The following NFIA variants were observed in gnomAD, a reference collection of about 807,000 sequenced individuals.
The protein encoded by NFIA is nuclear factor 1 A-type.
A neutral mutation model predicts 62.8 loss-of-function variants in NFIA; 8 were observed. The ratio of observed to expected loss-of-function variants is 0.13; its 90% CI spans 0.07 to 0.23. The LOEUF (loss-of-function observed/expected upper bound fraction) is 0.23. Among genes scored for constraint, NFIA ranks in the 10% least tolerant of loss-of-function variants. The pLI is 1.00. For missense variants in NFIA, 410 were observed against 642.1 expected (o/e 0.64, Z 3.91); for synonymous variants, 235 against 238.1 (o/e 0.99, Z 0.12).
At chr1:61,183,755 G>A (rs1650918689) in intron 2 of NFIA, among the ~76,000 whole-genome samples, 1 of 152,134 alleles carries the variant, frequency 6.6e-6, no homozygotes, top group South Asian at 2.1e-4. Flanking sequence ...GGCCTGAGAG[G>A]GAGAGGGAGA....
At chr1:61,216,915 G>A (rs547735044) in intron 2 of NFIA, among the ~76,000 whole-genome samples, 5 of 151,900 alleles carry the variant, frequency 3.3e-5, no homozygotes, top group South Asian at 2.1e-4. Context: ...CAGGAGAATC[G>A]CTTGAACCTG....
chr1:61,258,804 C>T (rs1018494740), intron 2 of NFIA, among the ~76,000 whole-genome samples: 3 of 152,050 alleles, frequency 2.0e-5, no homozygotes, highest in Admixed American at 6.6e-5. Context: ...TCATGGCTCA[C>T]TGCAGTCTCG....
intron 2 of NFIA, among the ~76,000 whole-genome samples, chr1:61,162,683 A>G (rs1649297563): frequency 6.6e-6 from 1 of 152,204 alleles, no homozygotes. Context: ...ATCAGACCCC[A>G]TGGAGGGTGG....
At chr1:61,232,726 A>G (rs1654755479) in intron 2 of NFIA, among the ~76,000 whole-genome samples, 1 of 151,880 alleles carries the variant, frequency 6.6e-6, no homozygotes, top group South Asian at 2.1e-4. Context: ...CTTCCTTTCC[A>G]GTTTAGTTTA....
intron 4 of NFIA, 32 bp downstream of exon 4, chr1:61,332,618 A>G: frequency 6.3e-7 from 1 of 1,596,968 alleles, no homozygotes; most frequent in Non-Finnish European, 8.6e-7. Flanking sequence ...TTTGGTACAG[A>G]TTTGCCTTGG....
chr1:61,186,724 C>T (rs904660453), intron 2 of NFIA, among the ~76,000 whole-genome samples: 2 of 152,128 alleles, frequency 1.3e-5, no homozygotes, highest in East Asian at 1.9e-4. Flanking sequence ...ATAATAGCAA[C>T]GGATACCTAT....
At chr1:61,224,109 A>G (rs773990478) in intron 2 of NFIA, among the ~76,000 whole-genome samples, 7 of 152,080 alleles carry the variant, frequency 4.6e-5, no homozygotes, top group Admixed American at 3.3e-4. Context: ...TGTGTTTAAA[A>G]TAGGGAAATT....
At chr1:61,098,424 A>C (rs1646453776) in intron 2 of NFIA, among the ~76,000 whole-genome samples, 2 of 152,226 alleles carry the variant, frequency 1.3e-5, no homozygotes, top group African/African-American at 2.4e-5. Context: ...CCATATAAAA[A>C]TTACTAAGTT....
chr1:61,263,432 G>A (rs1465382999), intron 2 of NFIA, among the ~76,000 whole-genome samples: 2 of 152,180 alleles, frequency 1.3e-5, no homozygotes, highest in Non-Finnish European at 2.9e-5. Context: ...GGCATGACGG[G>A]CAGGTAGAAC....
chr1:61,205,460 C>G (rs1174225652), intron 2 of NFIA, among the ~76,000 whole-genome samples: 7 of 152,174 alleles, frequency 4.6e-5, no homozygotes, highest in Non-Finnish European at 8.8e-5. Flanking sequence ...AGAGAAACTT[C>G]TAGAATCGAG....
chr1:61,363,528 T>G (rs1569621166), intron 6 of NFIA, among the ~76,000 whole-genome samples: 1 of 150,908 alleles, frequency 6.6e-6, no homozygotes, highest in Non-Finnish European at 1.5e-5. Flanking sequence ...TGGTTGAACC[T>G]GGGAGGTGGA....
At chr1:61,292,884 C>T (rs978077229) in intron 3 of NFIA, among the ~76,000 whole-genome samples, 1 of 152,174 alleles carries the variant, frequency 6.6e-6, no homozygotes, top group Non-Finnish European at 1.5e-5. Context: ...TCAGTTCCTG[C>T]ACCTGCTGAG....
At chr1:61,121,537 ATCAGTTTTTACT>A in intron 2 of NFIA, among the ~76,000 whole-genome samples, 1 of 152,198 alleles carries the variant, frequency 6.6e-6, no homozygotes, top group South Asian at 2.1e-4. Flanking sequence ...TTCATCTGGA[ATCAGTTTTTACT>A]TCATTAGCAG....
At chr1:61,228,499 G>T (rs1225216509) in intron 2 of NFIA, among the ~76,000 whole-genome samples, 1 of 152,226 alleles carries the variant, frequency 6.6e-6, no homozygotes, top group African/African-American at 2.4e-5. Flanking sequence ...GAAATGGATG[G>T]TGTGGCTCAA....
chr1:61,335,525 G>A (rs1429678432), intron 4 of NFIA, among the ~76,000 whole-genome samples: 1 of 152,136 alleles, frequency 6.6e-6, no homozygotes, highest in Admixed American at 6.5e-5. Flanking sequence ...TGGACCTGGG[G>A]TGCATTCTGT....
chr1:61,160,389 T>C (rs1438557468), intron 2 of NFIA, among the ~76,000 whole-genome samples: 2 of 152,200 alleles, frequency 1.3e-5, no homozygotes, highest in Non-Finnish European at 2.9e-5. Context: ...GCTCTTCAGG[T>C]GATTCTGATG....
At chr1:61,085,597 A>G (rs1646205046) in intron 1 of NFIA, among the ~76,000 whole-genome samples, 1 of 151,904 alleles carries the variant, frequency 6.6e-6, no homozygotes, top group African/African-American at 2.4e-5. Flanking sequence ...CATTTATGCT[A>G]TTCCTGGACA....
At chr1:61,325,605 A>AAG (rs1411564538) in intron 3 of NFIA, among the ~76,000 whole-genome samples, 1 of 152,184 alleles carries the variant, frequency 6.6e-6, no homozygotes, top group Non-Finnish European at 1.5e-5. Flanking sequence ...ATACTGTGTG[A>AAG]AGAGATGGTT....
intron 2 of NFIA, among the ~76,000 whole-genome samples, chr1:61,115,128 G>A (rs1368125226): frequency 6.6e-6 from 1 of 152,048 alleles, no homozygotes; most frequent in African/African-American, 2.4e-5. Context: ...TACAGGCAAA[G>A]GCCACCACGC....
Sources: gnomAD v4.1 joint callset for allele counts (sites outside exome capture counted in the v4.1 genomes callset) on GRCh38, gnomAD v4.1.1 for gene constraint, MANE v1.5 for transcripts, NCBI Gene and HGNC (gene_info 2026-07-23, HGNC 2026-07-21) for gene names.